The following JMY variants were observed in gnomAD, a reference collection of about 807,000 sequenced individuals.
The protein encoded by JMY is junction mediating and regulatory protein, p53 cofactor.
In JMY, 46 loss-of-function variants were observed where a neutral mutation model predicts 103.3. The ratio of observed to expected loss-of-function variants is 0.45; its 90% CI spans 0.35 to 0.57. JMY has a LOEUF of 0.57. Ranked by LOEUF, JMY falls within the 20% of genes least tolerant of loss-of-function variation. The probability of loss-of-function intolerance (pLI) is 0.00; values close to 1 mark genes in which losing one functional copy is unlikely to be tolerated. For missense variants in JMY, 1,238 were observed against 1,255.2 expected (o/e 0.99, Z 0.21); for synonymous variants, 526 against 489.3 (o/e 1.07, Z -0.99).
chr5:79,326,869 T>TACA lies in JMY; in HGVS notation c.*5267_*5268insACA, dbSNP rs1272846286. ...GACAGTGTGCACAGTGTATTGTAAA[T>TACA]GCCAACTCTTGCAAATTTACAATAC... On this transcript the variant is annotated 3_prime_UTR_variant, in exon 11 of 11. Coordinates refer to ENST00000396137, the MANE Select transcript of JMY (RefSeq NM_152405.5). 6.6e-6 allele frequency: 1 copy of TACA among 152,230 alleles called. No homozygotes were observed. Among genetic ancestry groups the TACA allele is most frequent in the Admixed American group, 6.5e-5 (1 of 15,290 alleles). 9.4% of individuals were successfully genotyped at this position (152,230 alleles called of 1,614,324 possible). A position where few individuals can be genotyped will look rare whatever the true frequency, so the allele number is the denominator to read the frequency against.
rs1746888903 is a variant in JMY, at chr5:79,306,553, T to C, written c.1968+92T>C. On this transcript the variant is annotated intron_variant, in intron 7 of 10. Coordinates refer to ENST00000396137, the MANE Select transcript of JMY (RefSeq NM_152405.5). ...CTGTAGAGAATGATAAAAAAACTTA[T>C]AACTGCATGTTAACATTAGTTCAGT... 8.0e-6 allele frequency: 7 copies of C among 869,746 alleles called. 1 individual carries two copies. Among genetic ancestry groups the C allele is most frequent in the Admixed American group, 2.2e-5 (1 of 44,862 alleles). 53.9% of individuals were successfully genotyped at this position (869,746 alleles called of 1,614,324 possible).
At chr5:79,313,859 A>T (rs1747124195) in intron 8 of JMY, among the ~76,000 whole-genome samples, 1 of 152,188 alleles carries the variant, frequency 6.6e-6, no homozygotes, top group South Asian at 2.1e-4. Context: ...ATAACCAATA[A>T]GCCAACATAA....
At chr5:79,301,885 G>A (rs975265159) in intron 6 of JMY, among the ~76,000 whole-genome samples, 2 of 151,930 alleles carry the variant, frequency 1.3e-5, no homozygotes, top group Admixed American at 1.3e-4. Flanking sequence ...TCAGGAGTTC[G>A]AGACCAGCCA....
chr5:79,319,573 TCTCTC>T (rs1426032888), intron 10 of JMY, among the ~76,000 whole-genome samples: 8 of 147,350 alleles, frequency 5.4e-5, no homozygotes, highest in African/African-American at 7.5e-5. Flanking sequence ...CTTTTTTTTT[TCTCTC>T]TCTCTTTTTT....
chr5:79,310,624 T>C (rs1273272406), intron 7 of JMY, among the ~76,000 whole-genome samples: 1 of 152,200 alleles, frequency 6.6e-6, no homozygotes, highest in Non-Finnish European at 1.5e-5. Context: ...GTTAACCTTA[T>C]TATTGCAACA....
intron 2 of JMY, among the ~76,000 whole-genome samples, chr5:79,278,766 G>C (rs995240148): frequency 2.0e-5 from 3 of 147,612 alleles, no homozygotes; most frequent in African/African-American, 2.5e-5. Flanking sequence ...TTGTCTCCAA[G>C]AAGAAGAAAA....
At chr5:79,271,800 C>G (rs996759003) in intron 1 of JMY, among the ~76,000 whole-genome samples, 1 of 152,056 alleles carries the variant, frequency 6.6e-6, no homozygotes, top group South Asian at 2.1e-4. Flanking sequence ...GATGAATTGA[C>G]TCTTTCGTGT....
chr5:79,247,428 A>G (rs145756106), intron 1 of JMY, among the ~76,000 whole-genome samples: 11 of 151,930 alleles, frequency 7.2e-5, no homozygotes, highest in African/African-American at 1.9e-4. Context: ...TCAACCTTGT[A>G]GTCTCAAGTA....
chr5:79,316,017 G>A lies in JMY; in HGVS notation c.2677G>A (p.Glu893Lys). 1 of 1,613,852 alleles carries A rather than the reference G, an allele frequency of 6.2e-7. No homozygotes were observed. The highest frequency in any genetic ancestry group is 8.5e-7 in the Non-Finnish European group (1 of 1,179,834). Residue 893 changes from glutamate to lysine, a missense_variant, in exon 10 of 11, where the codon GAG becomes AAG. Coordinates refer to ENST00000396137, the MANE Select transcript of JMY (RefSeq NM_152405.5). ...QRRRVSSPMD[E>K]VLASLKRGSF... ...TTCCAAAGTGAGCTCACCCATGGAT[G>A]AGGTGCTAGCCTCCTTGAAGCGTGG...
intron 7 of JMY, among the ~76,000 whole-genome samples, chr5:79,310,210 A>G (rs903406177): frequency 2.0e-5 from 3 of 151,526 alleles, no homozygotes; most frequent in African/African-American, 7.3e-5. Context: ...TTACAGGCAC[A>G]TGCCACCACA....
chr5:79,237,894 TC>T (rs1321432391), intron 1 of JMY, among the ~76,000 whole-genome samples: 11 of 151,770 alleles, frequency 7.2e-5, no homozygotes, highest in Middle Eastern at 3.4e-3. Flanking sequence ...CTTTATTTCC[TC>T]CCCCATTTAT....
chr5:79,257,551 C>A (rs531423039), intron 1 of JMY, among the ~76,000 whole-genome samples: 156 of 152,242 alleles, frequency 1.0e-3, no homozygotes, highest in Non-Finnish European at 1.5e-3. Flanking sequence ...CTGCAGTAGG[C>A]CATGATTGCA....
intron 1 of JMY, among the ~76,000 whole-genome samples, chr5:79,270,587 ATATTTAAAATG>A (rs1372125143): frequency 0.32 from 17,665 of 54,960 alleles, 5,438 homozygotes; most frequent in Non-Finnish European, 0.42. Context: ...ATTTACATAA[ATATTTAAAATG>A]TATATTTACA....
intron 2 of JMY, among the ~76,000 whole-genome samples, chr5:79,289,901 A>G (rs971262074): frequency 6.6e-6 from 1 of 152,176 alleles, no homozygotes. Context: ...TTGCCTACGT[A>G]TGGAGTGAGA....
chr5:79,249,240 T>C (rs1244755991), intron 1 of JMY, among the ~76,000 whole-genome samples: 1 of 152,170 alleles, frequency 6.6e-6, no homozygotes, highest in Non-Finnish European at 1.5e-5. Context: ...CAGGCTGGTC[T>C]CAAACTCCTG....
At chr5:79,307,483 G>A (rs559071134) in intron 7 of JMY, among the ~76,000 whole-genome samples, 3 of 152,084 alleles carry the variant, frequency 2.0e-5, no homozygotes, top group South Asian at 2.1e-4. Context: ...GTGTGGGTGC[G>A]TGTGTGTGTT....
chr5:79,290,357 G>A (rs935711205), intron 3 of JMY, 86 bp downstream of exon 3: 5 of 935,292 alleles, frequency 5.3e-6, no homozygotes, highest in African/African-American at 5.1e-5. Flanking sequence ...ACATAGAAAA[G>A]TATATAAAGA....
intron 4 of JMY, among the ~76,000 whole-genome samples, chr5:79,293,495 A>G (rs1746481629): frequency 1.3e-5 from 2 of 151,816 alleles, no homozygotes; most frequent in South Asian, 2.1e-4. Context: ...TGGCCTCAAG[A>G]GACCCCTCAT....
chr5:79,250,851 TA>T (rs1431338116), intron 1 of JMY, among the ~76,000 whole-genome samples: 1 of 152,080 alleles, frequency 6.6e-6, no homozygotes, highest in African/African-American at 2.4e-5. Context: ...ATTGCACTTT[TA>T]CATGTTTACT....
Sources: allele counts gnomAD v4.1 joint callset (sites outside exome capture counted in the v4.1 genomes callset), GRCh38; gene constraint gnomAD v4.1.1; transcripts MANE v1.5; gene names NCBI Gene and HGNC (gene_info 2026-07-23, HGNC 2026-07-21).